The following KCNU1 variants were observed in gnomAD, a reference collection of about 807,000 sequenced individuals.
KCNU1 encodes the protein potassium calcium-activated channel subfamily U member 1.
A neutral mutation model predicts 126.8 loss-of-function variants in KCNU1; 93 were observed. The ratio of observed to expected loss-of-function variants is 0.73; its 90% confidence interval spans 0.62 to 0.87. KCNU1 has a LOEUF of 0.87. KCNU1 is among the 40% of genes least tolerant of loss of function. The pLI is 0.00. For synonymous variants in KCNU1, 523 were observed against 494.2 expected, an observed-to-expected ratio of 1.06 and a Z score of -0.77; for missense variants, 1,330 against 1,367.1, an observed-to-expected ratio of 0.97 and a Z score of 0.43.
At chr8:36,860,137 G>A (rs1034292178) in intron 18 of KCNU1, among the ~76,000 whole-genome samples, 2 of 152,066 alleles carry the variant, frequency 1.3e-5, no homozygotes, top group Non-Finnish European at 2.9e-5. Context: ...GAGTGCAGTG[G>A]TGCGATCTCA....
At chr8:36,840,347 T>C in intron 14 of KCNU1, 116 bp from the exon 15 acceptor site, 1 of 607,074 alleles carries the variant, frequency 1.6e-6, no homozygotes, top group Admixed American at 3.0e-5. Context: ...TAAATCTCTT[T>C]TTTATGACTT....
intron 19 of KCNU1, among the ~76,000 whole-genome samples, chr8:36,894,036 T>A (rs544240403): frequency 6.6e-6 from 1 of 152,256 alleles, no homozygotes; most frequent in South Asian, 2.1e-4. Flanking sequence ...AGATAATTCA[T>A]GAAAAAATTT....
chr8:36,925,792 G>C (rs112779626), intron 24 of KCNU1, among the ~76,000 whole-genome samples: 3 of 152,028 alleles, frequency 2.0e-5, no homozygotes, highest in Non-Finnish European at 2.9e-5. Flanking sequence ...AGTCACTACC[G>C]CAGCTCCTGA....
chr8:36,844,406 T>C (rs1389547908), intron 16 of KCNU1, among the ~76,000 whole-genome samples: 1 of 151,450 alleles, frequency 6.6e-6, no homozygotes, highest in East Asian at 1.9e-4. Flanking sequence ...AAAAAGGCTA[T>C]GTAAGACACA....
chr8:36,787,295 CTT>C lies in KCNU1; in HGVS notation c.196-10_196-9del. ...CAGCTCACATTGTCAATTTCTTTCT[CTT>C]GATTGTAGGAACTGTTCACATCAGG... is the stretch of plus-strand genomic sequence containing the variant. On this transcript the variant is annotated splice_polypyrimidine_tract_variant and intron_variant, in intron 1 of 26. Coordinates refer to ENST00000399881, the MANE Select transcript of KCNU1 (RefSeq NM_001031836.3). The C allele has an allele frequency of 1.2e-6, 2 of 1,600,374 alleles. No individual in the cohort carries two copies. Among genetic ancestry groups the C allele is most frequent in the Non-Finnish European group, 1.7e-6 (2 of 1,172,680 alleles).
chr8:36,801,645 A>G (rs1258288394), intron 2 of KCNU1, among the ~76,000 whole-genome samples: 1 of 152,100 alleles, frequency 6.6e-6, no homozygotes, highest in African/African-American at 2.4e-5. Context: ...ATTAATAATT[A>G]TCAATATGCT....
At chr8:36,906,744 C>T (rs997043602) in intron 20 of KCNU1, among the ~76,000 whole-genome samples, 1 of 152,148 alleles carries the variant, frequency 6.6e-6, no homozygotes, top group African/African-American at 2.4e-5. Flanking sequence ...TATATTTCAA[C>T]TTTTGTAAAA....
chr8:36,801,236 A>G (rs1280104416), intron 2 of KCNU1, among the ~76,000 whole-genome samples: 1 of 152,162 alleles, frequency 6.6e-6, no homozygotes, highest in African/African-American at 2.4e-5. Flanking sequence ...ATTAGTTGTA[A>G]ATTCCTCAGT....
In KCNU1 at chr8:36,853,147, C is replaced by T. The variant is rs184556669; in HGVS notation, c.1891+7248C>T. Among the ~76,000 whole-genome samples, 6 of 152,158 alleles carry T rather than the reference C, an allele frequency of 3.9e-5. No individual in the cohort carries two copies. In the East Asian group the frequency reaches 5.8e-4, roughly 15 times the overall value. On this transcript the variant is annotated intron_variant, in intron 18 of 26. Coordinates refer to ENST00000399881, the MANE Select transcript of KCNU1 (RefSeq NM_001031836.3). ...GGCGTATCACCTGAGATCAGGAGTT[C>T]GAGACCAGACTGGTCCACATGGCAA...
At chr8:36,879,387 C>A (rs1806394666) in intron 19 of KCNU1, among the ~76,000 whole-genome samples, 2 of 151,714 alleles carry the variant, frequency 1.3e-5, no homozygotes, top group South Asian at 4.2e-4. Flanking sequence ...TGGTATAAAT[C>A]TAACCTTGAG....
intron 19 of KCNU1, among the ~76,000 whole-genome samples, chr8:36,883,403 C>A (rs1373791836): frequency 1.3e-5 from 2 of 152,174 alleles, no homozygotes; most frequent in African/African-American, 4.8e-5. Flanking sequence ...TGAACTTTAT[C>A]ATTTACTCCT....
chr8:36,845,710 T>C lies in KCNU1; in HGVS notation c.1793+41T>C, dbSNP rs1057463049. 4 of 1,468,370 alleles carry C rather than the reference T, an allele frequency of 2.7e-6. No homozygotes were observed. The African/African-American group carries it at 5.5e-5, about 20-fold the overall frequency. 91.0% of individuals were successfully genotyped at this position (1,468,370 alleles called of 1,614,324 possible). On this transcript the variant is annotated intron_variant, in intron 17 of 26. Coordinates refer to ENST00000399881, the MANE Select transcript of KCNU1 (RefSeq NM_001031836.3). ...TATGGGGGAAAAGCACTAAAGCAAC[T>C]ACAGCTTAATGGGAGGCCCACTGAG... is the stretch of plus-strand genomic sequence containing the variant.
intron 14 of KCNU1, among the ~76,000 whole-genome samples, chr8:36,838,688 C>T (rs951447969): frequency 2.6e-5 from 4 of 152,056 alleles, no homozygotes; most frequent in Admixed American, 2.0e-4. Flanking sequence ...CAGAGTGAGA[C>T]TCTGTCTCAA....
chr8:36,817,810 G>A (rs371231739), intron 10 of KCNU1, 50 bp downstream of exon 10: 18 of 889,464 alleles, frequency 2.0e-5, no homozygotes, highest in African/African-American at 4.9e-5. Context: ...CTTAAAATAC[G>A]TGTGAATATT....
chr8:36,917,711 T>G (rs887496004), intron 22 of KCNU1, among the ~76,000 whole-genome samples: 1 of 152,174 alleles, frequency 6.6e-6, no homozygotes, highest in African/African-American at 2.4e-5. Flanking sequence ...ACTAAACCTC[T>G]GATGTCATAC....
rs776353977 is a variant in KCNU1 at position 36,784,492 on chromosome 8, A to G, written c.82A>G (p.Ile28Val). Residue 28 changes from isoleucine (I) to valine (V), a missense_variant, in exon 1 of 27, where the codon ATT becomes GTT. This residue lies in a region of KCNU1 where 247 missense variants were observed against 255.4 expected (regional missense o/e 0.97). Coordinates refer to ENST00000399881, the MANE Select transcript of KCNU1 (RefSeq NM_001031836.3). ...CACAACTGAGATCCAAGCAGCATTC[A>G]TTCTCTCTTCCTTTGTGACCTTCTT... is the stretch of plus-strand genomic sequence containing the variant. ...SCTTEIQAAF[I>V]LSSFVTFFSG... is the part of the protein sequence containing the mutation. 8 of 1,613,920 alleles carry G rather than the reference A, an allele frequency of 5.0e-6. 1 individual carries two copies. In the South Asian group the frequency reaches 6.6e-5, roughly 13 times the overall value.
At chr8:36,834,641 A>G in intron 11 of KCNU1, 145 bp from the exon 12 acceptor site, 1 of 590,430 alleles carries the variant, frequency 1.7e-6, no homozygotes, top group East Asian at 2.8e-5. Context: ...TGATGTAAAG[A>G]CATCCTCATT....
chr8:36,881,418 C>T (rs896159982), intron 19 of KCNU1, among the ~76,000 whole-genome samples: 3 of 152,042 alleles, frequency 2.0e-5, no homozygotes, highest in African/African-American at 7.2e-5. Context: ...GGGATAGGGT[C>T]TCACTCTGTT....
At chr8:36,906,236 C>T (rs1807624562) in intron 20 of KCNU1, among the ~76,000 whole-genome samples, 2 of 142,888 alleles carry the variant, frequency 1.4e-5, no homozygotes, top group Non-Finnish European at 1.5e-5. Flanking sequence ...TTTTGAAATT[C>T]GGATTTTTCT....
Sources: gnomAD v4.1 joint callset for allele counts (sites outside exome capture counted in the v4.1 genomes callset) on GRCh38, gnomAD v4.1.1 for gene constraint, gnomAD v4.1.1 regional missense constraint, MANE v1.5 for transcripts, NCBI Gene and HGNC (gene_info 2026-07-23, HGNC 2026-07-21) for gene names.